The following SMIM7 variants were observed in gnomAD, a reference collection of about 807,000 sequenced individuals.
SMIM7 encodes the protein small integral membrane protein 7.
In SMIM7, 12 loss-of-function variants were observed where a neutral mutation model predicts 13.3. The ratio of observed to expected loss-of-function variants is 0.90; its 90% confidence interval spans 0.58 to 1.46. The LOEUF is 1.46. Ranked by LOEUF, SMIM7 falls within the 40% of genes most tolerant of loss-of-function variation. SMIM7 has a pLI of 0.00. For missense variants in SMIM7, 114 were observed against 94.8 expected (o/e 1.20, Z -0.84); for synonymous variants, 36 against 35.8 (o/e 1.01, Z -0.02).
At chr19:16,659,865 G>A in intron 2 of SMIM7, 94 bp downstream of exon 2, 3 of 1,502,254 alleles carry the variant, frequency 2.0e-6, no homozygotes, top group Non-Finnish European at 2.7e-6. Context: ...TGCGGCTTGG[G>A]GGCGGGGCCT....
At chr19:16,653,566 G>C (rs948643901) in intron 4 of SMIM7, 1 of 162,746 alleles carries the variant, frequency 6.1e-6, no homozygotes, top group Admixed American at 6.1e-5. Flanking sequence ...CTGGGCAACA[G>C]AGCAAGACTC....
At chr19:16,632,079 A>G (rs1281493768) in intron 4 of SMIM7, among the ~76,000 whole-genome samples, 1 of 151,990 alleles carries the variant, frequency 6.6e-6, no homozygotes, top group African/African-American at 2.4e-5. Context: ...CATGTTGGCC[A>G]GGATGGTCTC....
chr19:16,655,014 CAG>C (rs1314261027), intron 3 of SMIM7, among the ~76,000 whole-genome samples: 3 of 152,154 alleles, frequency 2.0e-5, no homozygotes, highest in African/African-American at 4.8e-5. Flanking sequence ...TTGAGAGCTG[CAG>C]AGAGTCAGAT....
At chr19:16,644,119 T>TTTC (rs1568300054), downstream of SMIM7, among the ~76,000 whole-genome samples, 1 of 103,228 alleles carries the variant, frequency 9.7e-6, no homozygotes, top group African/African-American at 6.7e-5. Context: ...ATTGTTTGCG[T>TTTC]TTTTTTTTTT....
chr19:16,654,991 A>G (rs756622466), intron 3 of SMIM7, among the ~76,000 whole-genome samples: 6 of 152,060 alleles, frequency 3.9e-5, no homozygotes, highest in Non-Finnish European at 7.4e-5. Context: ...AACCAACATA[A>G]AAGAAAGGGG....
intron 4 of SMIM7, among the ~76,000 whole-genome samples, chr19:16,639,184 T>C (rs540206703): frequency 3.5e-4 from 52 of 149,330 alleles, no homozygotes; most frequent in South Asian, 1.1e-3. Flanking sequence ...TGCAGTGGCG[T>C]GATCTCGGCT....
chr19:16,647,373 T>C, intron 4 of SMIM7, 112 bp from the exon 5 acceptor site: 4 of 1,286,548 alleles, frequency 3.1e-6, no homozygotes, highest in South Asian at 1.3e-5. Flanking sequence ...TGATTTTACA[T>C]GATTGTCTGA....
chr19:16,635,899 A>AAAAT (rs1200181092), intron 4 of SMIM7, among the ~76,000 whole-genome samples: 1,107 of 109,432 alleles, frequency 0.01, 23 homozygotes, highest in African/African-American at 0.032. Context: ...AAAAAAAAAA[A>AAAAT]ATATATATAT....
At chr19:16,635,718 AGAG>A (rs1317235210) in intron 4 of SMIM7, among the ~76,000 whole-genome samples, 1 of 151,298 alleles carries the variant, frequency 6.6e-6, no homozygotes, top group Admixed American at 6.6e-5. Flanking sequence ...CCCATCTCTA[AGAG>A]AACGACAAAA....
chr19:16,651,670 TC>T (rs2086527600), intron 4 of SMIM7, among the ~76,000 whole-genome samples: 1 of 152,082 alleles, frequency 6.6e-6, no homozygotes, highest in African/African-American at 2.4e-5. Context: ...ACTGACTTCT[TC>T]CCTGCCCCAG....
chr19:16,634,744 C>T (rs1449204701), intron 4 of SMIM7: 2 of 135,168 alleles, frequency 1.5e-5, no homozygotes, highest in Non-Finnish European at 3.1e-5. Flanking sequence ...TGCCACTGCA[C>T]TCCAGCCTGG....
chr19:16,643,975 G>A (rs149450892), downstream of SMIM7: 160 of 152,250 alleles, frequency 1.1e-3, 1 homozygote, highest in African/African-American at 3.7e-3. Flanking sequence ...AACAAAGCAA[G>A]TGTAAAGAAA....
chr19:16,659,320 C>T (rs369854986), intron 3 of SMIM7, 75 bp downstream of exon 3: 39 of 1,053,576 alleles, frequency 3.7e-5, no homozygotes, highest in African/African-American at 5.0e-5. Context: ...AGAAAGAAAA[C>T]GAAGGTAGGG....
downstream of SMIM7, among the ~76,000 whole-genome samples, chr19:16,642,403 C>G (rs1400370209): frequency 2.0e-5 from 3 of 151,962 alleles, no homozygotes; most frequent in Non-Finnish European, 4.4e-5. Context: ...AGTAAAAATA[C>G]AAAAATTAGC....
chr19:16,632,080 G>A (rs1386380691), intron 4 of SMIM7, among the ~76,000 whole-genome samples: 1 of 152,056 alleles, frequency 6.6e-6, no homozygotes, highest in Non-Finnish European at 1.5e-5. Context: ...ATGTTGGCCA[G>A]GATGGTCTCA....
chr19:16,658,759 G>T (rs1230231783), intron 3 of SMIM7, among the ~76,000 whole-genome samples: 1 of 152,092 alleles, frequency 6.6e-6, no homozygotes, highest in African/African-American at 2.4e-5. Flanking sequence ...ATCGGAGGAC[G>T]GGTACGGCAA....
chr19:16,655,958 C>T (rs144139515), intron 3 of SMIM7, among the ~76,000 whole-genome samples: 3 of 152,324 alleles, frequency 2.0e-5, no homozygotes, highest in African/African-American at 4.8e-5. Context: ...AGGGCTGATC[C>T]AGCACAGACT....
At position 16,659,468 on chromosome 19, in the gene SMIM7, T is replaced by C. The variant is rs776914235; in HGVS notation, c.69-21A>G. On this transcript the variant is annotated intron_variant, in intron 2 of 4. Coordinates refer to ENST00000487416, the MANE Select transcript of SMIM7 (RefSeq NM_024104.4). The stretch of plus-strand genomic sequence containing the variant: ...TTTTCCTACAAAGAGGAGCAGACAG[T>C]GTCCACTTTCAATGGGACATAGAGT... The C allele has an allele frequency of 1.9e-6, 3 of 1,610,160 alleles. No individual in the cohort carries two copies. The Admixed American group carries it at 5.1e-5, about 27-fold the overall frequency.
At chr19:16,656,605 A>G (rs1388076202) in intron 3 of SMIM7, among the ~76,000 whole-genome samples, 1 of 151,600 alleles carries the variant, frequency 6.6e-6, no homozygotes, top group Non-Finnish European at 1.5e-5. Context: ...GAGGTAAAAA[A>G]AAAGCCTTTC....
Sources: gnomAD v4.1 joint callset for allele counts (sites outside exome capture counted in the v4.1 genomes callset) on GRCh38, gnomAD v4.1.1 for gene constraint, MANE v1.5 for transcripts, NCBI Gene and HGNC (gene_info 2026-07-23, HGNC 2026-07-21) for gene names.